Variants in WFS1 observed in about 807,000 individuals in gnomAD.
The protein encoded by WFS1 is wolframin ER transmembrane glycoprotein, also known as wolframin.
Under a neutral mutation model 68.5 loss-of-function variants are expected in WFS1, and 90 were observed. That is an observed-to-expected ratio of 1.31 (90% CI 1.11 to 1.56). The LOEUF (loss-of-function observed/expected upper bound fraction) is 1.56. WFS1 is among the 40% of genes most tolerant of loss of function. WFS1 has a pLI of 0.00. For synonymous variants in WFS1, 860 were observed against 540.7 expected (o/e 1.59, Z -8.19); for missense variants, 1,767 against 1,232.6 (o/e 1.43, Z -6.49).
At position 6,291,903 on chromosome 4, in the gene WFS1, C is replaced by T. The variant is rs1009391112; in HGVS notation, c.632-14C>T. The T allele has an allele frequency of 2.5e-6, 4 of 1,606,588 alleles. No individual in the cohort carries two copies. In the African/African-American group the frequency reaches 5.3e-5, roughly 21 times the overall value. On this transcript the variant is annotated splice_polypyrimidine_tract_variant and intron_variant, in intron 5 of 7. Transcript: ENST00000226760. ...TCAACTTGTCTGACTGTTAATCCAC[C>T]CTGTCCCCTGCAGATGGAGGGGCGC... is the stretch of plus-strand genomic sequence containing the variant.
At chr4:6,286,995 G>A in intron 2 of WFS1, 98 bp from the exon 3 acceptor site, 1 of 1,061,728 alleles carries the variant, frequency 9.4e-7, no homozygotes, top group Non-Finnish European at 1.4e-6. Flanking sequence ...GTGACAAGCA[G>A]CAGCAGATCT....
rs750306526 is a variant in WFS1, at chr4:6,301,199, A to G, written c.1404A>G (p.Leu468=). The change falls in exon 8 of 8, where the codon CTA becomes CTG. Residue 468 remains leucine (L), a synonymous_variant. Coordinates refer to ENST00000226760, the MANE Select transcript of WFS1 (RefSeq NM_006005.3). Reference sequence around the variant, plus strand: ...CCACCGAGGTCACCGCCGGCCTGCTATCGCTGCTGCCCTCCATGCCCTTGA... The same window carrying G: ...CCACCGAGGTCACCGCCGGCCTGCTGTCGCTGCTGCCCTCCATGCCCTTGA... ...ALATEVTAGL[L]SLLPSMPLNW... 14 of 1,612,010 alleles carry G rather than the reference A, an allele frequency of 8.7e-6. No individual in the cohort carries two copies. The highest frequency in any genetic ancestry group is 1.3e-5 in the African/African-American group (1 of 74,910).
intron 1 of WFS1, among the ~76,000 whole-genome samples, chr4:6,275,754 A>G (rs1335492400): frequency 6.6e-6 from 1 of 151,784 alleles, no homozygotes; most frequent in Admixed American, 6.6e-5. Flanking sequence ...TGCAGCGGGA[A>G]TGGAGCAGAA....
At position 6,277,912 on chromosome 4, in the gene WFS1, C is replaced by A. The variant is rs116073855; in HGVS notation, c.232+225C>A. ...CCACTCGAGGTGGTGCTGGTGCCCCCACTCCTCTGCAGTCCTTCTCTTCCC... is the reference window on the plus strand; with the variant it reads ...CCACTCGAGGTGGTGCTGGTGCCCCAACTCCTCTGCAGTCCTTCTCTTCCC... On this transcript the variant is annotated intron_variant, in intron 2 of 7. Coordinates refer to ENST00000226760, the MANE Select transcript of WFS1 (RefSeq NM_006005.3). Among the ~76,000 whole-genome samples, 2,417 of 152,362 alleles carry A rather than the reference C, an allele frequency of 0.016. 56 individuals are homozygous for A. Among genetic ancestry groups the A allele is most frequent in the African/African-American group, 0.055 (2,293 of 41,586 alleles).
Position 6,272,251 on chromosome 4 carries a change from C to T in WFS1, c.-6+2237C>T, listed in dbSNP as rs1360265955. Among the ~76,000 whole-genome samples, 3 of 152,244 alleles carry T rather than the reference C, an allele frequency of 2.0e-5. No homozygotes were observed. In the South Asian group the frequency reaches 6.2e-4, roughly 31 times the overall value. On this transcript the variant is annotated intron_variant, in intron 1 of 7. Coordinates refer to ENST00000226760, the MANE Select transcript of WFS1 (RefSeq NM_006005.3). Reference sequence around the variant, plus strand: ...GGGGGGCCCAGCACAGTGCTTGGCACAAGATGGACCTACCCTCAGTCCACA... The same window carrying T: ...GGGGGGCCCAGCACAGTGCTTGGCATAAGATGGACCTACCCTCAGTCCACA...
chr4:6,275,290 A>G (rs1295164830), intron 1 of WFS1, among the ~76,000 whole-genome samples: 1 of 152,184 alleles, frequency 6.6e-6, no homozygotes, highest in African/African-American at 2.4e-5. Flanking sequence ...GTGTCATTTG[A>G]AGACCTGACT....
chr4:6,294,887 TCA>T, intron 6 of WFS1, 152 bp from the exon 7 acceptor site: 1 of 1,315,050 alleles, frequency 7.6e-7, no homozygotes, highest in Non-Finnish European at 1.1e-6. Flanking sequence ...TCCTCAACCC[TCA>T]GGCCGCCCAG....
rs113513950 is a variant in WFS1, at chr4:6,302,916, A to T, written c.*448A>T. ...ATTTCTTATTTGTTTGGTCACTGCTACACCTTAGCAGCTCTTCCCCTTTCC... is the reference window on the plus strand; with the variant it reads ...ATTTCTTATTTGTTTGGTCACTGCTTCACCTTAGCAGCTCTTCCCCTTTCC... On this transcript the variant is annotated 3_prime_UTR_variant, in exon 8 of 8. Transcript: ENST00000226760. The T allele has an allele frequency of 9.3e-4, 195 of 210,200 alleles. No homozygotes were observed. The highest frequency in any genetic ancestry group is 2.6e-3 in the South Asian group (33 of 12,924). The allele number at this position is 210,200 out of a possible 1,614,324, so 13.0% of individuals were successfully genotyped here. A position where few individuals can be genotyped will look rare whatever the true frequency, so the allele number is the denominator to read the frequency against.
At chr4:6,279,688 C>T (rs1237921142) in intron 2 of WFS1, among the ~76,000 whole-genome samples, 3 of 152,158 alleles carry the variant, frequency 2.0e-5, no homozygotes, top group Non-Finnish European at 4.4e-5. Flanking sequence ...TTCTGGGGCT[C>T]ATGTAGCGCG....
intron 1 of WFS1, among the ~76,000 whole-genome samples, chr4:6,271,287 C>T (rs1422517149): frequency 6.6e-6 from 1 of 152,224 alleles, no homozygotes; most frequent in Admixed American, 6.5e-5. Context: ...GGTTTGTCCT[C>T]CCTTCGCAGA....
chr4:6,301,386 C>G lies in WFS1; in HGVS notation c.1591C>G (p.Leu531Val), dbSNP rs780482227. 4 of 1,612,514 alleles carry G rather than the reference C, an allele frequency of 2.5e-6. No individual in the cohort carries two copies. The South Asian group carries it at 3.3e-5, about 13-fold the overall frequency. The change falls in exon 8 of 8, where the codon CTT (leucine) becomes GTT (valine). Residue 531 changes from leucine to valine, a missense_variant. By Grantham distance (32) the Leu-to-Val change is conservative. Transcript: ENST00000226760. The part of the protein sequence containing the change: ...LRNFKGTYCY[L>V]VPYLVCFMWC... Reference sequence around the variant, plus strand: ...GAATTTCAAGGGCACCTACTGCTACCTTGTGCCCTACCTGGTGTGCTTCAT... The same window carrying G: ...GAATTTCAAGGGCACCTACTGCTACGTTGTGCCCTACCTGGTGTGCTTCAT...
chr4:6,282,276 C>A (rs1278963986), intron 2 of WFS1, among the ~76,000 whole-genome samples: 3 of 152,256 alleles, frequency 2.0e-5, no homozygotes, highest in Admixed American at 1.3e-4. Context: ...TGCAGGGTGA[C>A]CCCAGCTTCC....
intron 7 of WFS1, among the ~76,000 whole-genome samples, chr4:6,298,267 C>T (rs368415420): frequency 5.3e-5 from 8 of 152,310 alleles, no homozygotes; most frequent in East Asian, 1.9e-4. Flanking sequence ...GCTGGCCTGG[C>T]GTCATACTAC....
chr4:6,275,041 A>G (rs1431287608), intron 1 of WFS1, among the ~76,000 whole-genome samples: 2 of 152,168 alleles, frequency 1.3e-5, no homozygotes, highest in African/African-American at 4.8e-5. Flanking sequence ...CTGGGATGAC[A>G]ATAGGATCTA....
intron 1 of WFS1, 28 bp downstream of exon 1, chr4:6,270,042 C>CGCGGTGGCTGTGGGCAGA (rs1729755130): frequency 6.6e-6 from 1 of 152,406 alleles, no homozygotes; most frequent in African/African-American, 2.4e-5. Context: ...GGGGCAGTGG[C>CGCGGTGGCTGTGGGCAGA]GCGGTGGCTG....
rs181472323 is a variant in WFS1, at chr4:6,290,953, C to T, written c.461-244C>T. 1.4e-3 allele frequency among the ~76,000 whole-genome samples: 206 copies of T among 152,298 alleles called. No individual in the cohort carries two copies. The highest frequency in any genetic ancestry group is 1.2e-3 in the Non-Finnish European group (84 of 68,032). ...GAACAGGAAGAGGCTGCCTTCTTCC[C>T]GCCAGCATGTAGGGGGCACTTGGGG... On this transcript the variant is annotated intron_variant, in intron 4 of 7. Transcript: ENST00000226760.
intron 4 of WFS1, among the ~76,000 whole-genome samples, chr4:6,289,509 C>G (rs535992988): frequency 1.3e-5 from 2 of 152,360 alleles, no homozygotes; most frequent in African/African-American, 4.8e-5. Context: ...TGCCCCTGAG[C>G]TGATGTCCGT....
intron 7 of WFS1, among the ~76,000 whole-genome samples, chr4:6,299,547 AAT>A (rs1730772556): frequency 2.2e-5 from 1 of 44,844 alleles, no homozygotes; most frequent in Non-Finnish European, 3.8e-5. Context: ...GGGTTGTGTG[AAT>A]GTGTGTGTAG....
intron 1 of WFS1, among the ~76,000 whole-genome samples, chr4:6,270,617 G>T (rs982488523): frequency 6.6e-6 from 1 of 152,240 alleles, no homozygotes; most frequent in African/African-American, 2.4e-5. Flanking sequence ...AGGGGTTTCA[G>T]TGGCAGCACC....
Sources: allele counts gnomAD v4.1 joint callset (sites outside exome capture counted in the v4.1 genomes callset), GRCh38; gene constraint gnomAD v4.1.1; transcripts MANE v1.5; gene names NCBI Gene and HGNC (gene_info 2026-07-23, HGNC 2026-07-21).